The following FN1 variants were observed in gnomAD, a reference collection of about 807,000 sequenced individuals.
FN1 encodes the protein fibronectin.
FN1 carries 106 observed loss-of-function variants against 297.3 expected under a neutral mutation model. That is an observed-to-expected ratio of 0.36 (90% CI 0.30 to 0.42). FN1 has a LOEUF of 0.42. FN1 is among the 10% of genes least tolerant of loss of function. The pLI is 1.00. For synonymous variants in FN1, 1,149 were observed against 1,152.6 expected (o/e 1.00, Z 0.06); for missense variants, 2,690 against 3,124.9 (o/e 0.86, Z 3.32).
At chr2:215,400,903 C>T (rs2060931368) in intron 20 of FN1, among the ~76,000 whole-genome samples, 1 of 150,486 alleles carries the variant, frequency 6.6e-6, no homozygotes, top group South Asian at 2.1e-4. Flanking sequence ...TCAAGTGATT[C>T]TCCTGCCTCA....
intron 13 of FN1, among the ~76,000 whole-genome samples, chr2:215,413,406 A>C (rs1575679374): frequency 6.6e-6 from 1 of 152,118 alleles, no homozygotes. Context: ...GGTGTGAGCC[A>C]CTCTACCCAG....
intron 28 of FN1, 133 bp from the exon 29 acceptor site, chr2:215,385,109 G>T: frequency 1.4e-6 from 1 of 705,304 alleles, no homozygotes; most frequent in South Asian, 1.5e-5. Flanking sequence ...GTAATTAGCA[G>T]AATTTTATAT....
At position 215,419,108 on chromosome 2, in the gene FN1, T is replaced by C. The variant is rs1402027557; in HGVS notation, c.1819+134A>G. On this transcript the variant is annotated intron_variant, in intron 12 of 45. Transcript: ENST00000354785. ...TATTTTAATCAAAAATTCAATTGAT[T>C]ATTAGATAATAACAAGAGAAAAGGG... The C allele has an allele frequency of 2.4e-5, 17 of 708,920 alleles. 1 individual carries two copies. The highest frequency in any genetic ancestry group is 3.7e-5 in the Non-Finnish European group (15 of 403,016). 43.9% of individuals were successfully genotyped at this position (708,920 alleles called of 1,614,324 possible). A position where few individuals can be genotyped will look rare whatever the true frequency, so the allele number is the denominator to read the frequency against.
intron 32 of FN1, chr2:215,381,917 G>A (rs1215138536): frequency 5.2e-6 from 2 of 384,648 alleles, no homozygotes; most frequent in African/African-American, 2.1e-5. Context: ...AGACGGTCTA[G>A]GAAAATTTTT....
chr2:215,434,623 T>C (rs1310935558), intron 2 of FN1, 73 bp downstream of exon 2: 5 of 1,552,334 alleles, frequency 3.2e-6, no homozygotes, highest in East Asian at 2.2e-5. Flanking sequence ...TATTTTTACT[T>C]ACTAATGCAA....
At chr2:215,412,086 A>G (rs2062732599) in intron 13 of FN1, among the ~76,000 whole-genome samples, 1 of 152,204 alleles carries the variant, frequency 6.6e-6, no homozygotes, top group African/African-American at 2.4e-5. Context: ...GAGAGACTAG[A>G]AGATATTGGA....
chr2:215,404,727 G>A (rs1294317939), intron 19 of FN1, 72 bp from the exon 20 acceptor site: 2 of 1,375,152 alleles, frequency 1.5e-6, no homozygotes, highest in African/African-American at 1.4e-5. Context: ...CCTGAAACTT[G>A]ATTGAATGTC....
At position 215,376,499 on chromosome 2, in the gene FN1, T is replaced by C. The variant is rs1447624542; in HGVS notation, c.5886A>G (p.Thr1962=). The C allele has an allele frequency of 6.2e-7, 1 of 1,614,074 alleles. No individual in the cohort carries two copies. Among genetic ancestry groups the C allele is most frequent in the East Asian group, 2.2e-5 (1 of 44,880 alleles). The change falls in exon 36 of 46, where the codon ACA becomes ACG. Residue 1962 remains threonine (T), a splice_region_variant and synonymous_variant. Transcript: ENST00000354785. ...GGTTAGTGCAATGAGTTCCCTGACC[T>C]GTGATGGTGTAGCTTCTGACATCTG... ...IKPDVRSYTI[T]GLQPGTDYKI... is the part of the protein sequence containing the mutation.
rs1200768215 is a variant in FN1 at position 215,388,246 on chromosome 2, A to C, written c.4308T>G (p.His1436Gln). 1 of 1,614,076 alleles carries C rather than the reference A, an allele frequency of 6.2e-7. No homozygotes were observed. Among genetic ancestry groups the C allele is most frequent in the South Asian group, 1.1e-5 (1 of 91,088 alleles). The change falls in exon 27 of 46, where the codon CAT becomes CAG. Residue 1436 changes from histidine (H) to glutamine (Q), a missense_variant. Coordinates refer to ENST00000354785, the MANE Select transcript of FN1 (RefSeq NM_212482.4). ...VVSVSSVYEQ[H>Q]ESTPLRGRQK... Reference sequence around the variant, plus strand: ...GTCTTCCTCTAAGAGGTGTGCTCTCATGTTGTTCGTAGACACTGGAGACAC... The same window carrying C: ...GTCTTCCTCTAAGAGGTGTGCTCTCCTGTTGTTCGTAGACACTGGAGACAC...
rs1347416479 is a variant in FN1 at position 215,392,995 on chromosome 2, A to G, written c.4005T>C (p.Asp1335=). 6.2e-7 allele frequency: 1 copy of G among 1,613,844 alleles called. No individual in the cohort carries two copies. Among genetic ancestry groups the G allele is most frequent in the Admixed American group, 1.7e-5 (1 of 60,004 alleles). Residue 1335 remains aspartate (D), a synonymous_variant, in exon 25 of 46, where the codon GAT becomes GAC. Coordinates refer to ENST00000354785, the MANE Select transcript of FN1 (RefSeq NM_212482.4). The part of the protein sequence containing the change: ...VTGLEPGIDY[D]ISVITLINGG... ...CATTAATGAGAGTGATAACGCTGATATCATAGTCAATGCCCGGCTCCAGCC... is the reference window on the plus strand; with the variant it reads ...CATTAATGAGAGTGATAACGCTGATGTCATAGTCAATGCCCGGCTCCAGCC...
chr2:215,374,971 C>T (rs936536502), intron 38 of FN1, among the ~76,000 whole-genome samples: 4 of 152,112 alleles, frequency 2.6e-5, no homozygotes, highest in East Asian at 1.9e-4. Context: ...AAACTTGCAG[C>T]GAAAGGAAAA....
intron 4 of FN1, among the ~76,000 whole-genome samples, chr2:215,431,083 A>G (rs752645643): frequency 5.3e-5 from 8 of 152,116 alleles, no homozygotes; most frequent in Non-Finnish European, 1.2e-4. Flanking sequence ...TAATAAGTAC[A>G]TGGACTACAT....
rs7568287 is a variant in FN1, at chr2:215,367,833, C to A, written c.7018+30G>T. 67 of 1,611,808 alleles carry A rather than the reference C, an allele frequency of 4.2e-5. No individual in the cohort carries two copies. The Admixed American group carries it at 1.1e-3, about 27-fold the overall frequency. On this transcript the variant is annotated intron_variant, in intron 42 of 45. Transcript: ENST00000354785. ...TGCATGGAACTTGAGGAGACAAACACGGAAGTGGATGGACAAAGCAACTAC... is the reference window on the plus strand; with the variant it reads ...TGCATGGAACTTGAGGAGACAAACAAGGAAGTGGATGGACAAAGCAACTAC...
chr2:215,393,190 G>A lies in FN1; in HGVS notation c.3810C>T (p.Leu1270=). Residue 1270 remains leucine (L), a synonymous_variant, in exon 25 of 46, where the codon CTC becomes CTT. Coordinates refer to ENST00000354785, the MANE Select transcript of FN1 (RefSeq NM_212482.4). ...TTATATCAACAAAGCTTAGGTCAGTGAGTTGGGGCACCTCTATTGAGTTAC... is the reference window on the plus strand; with the variant it reads ...TTATATCAACAAAGCTTAGGTCAGTAAGTTGGGGCACCTCTATTGAGTTAC... ...SDTIIPEVPQ[L]TDLSFVDITD... The A allele has an allele frequency of 3.1e-6, 5 of 1,613,804 alleles. No individual in the cohort carries two copies. Among genetic ancestry groups the A allele is most frequent in the Non-Finnish European group, 4.2e-6 (5 of 1,179,892 alleles).
At chr2:215,409,841 A>C in intron 14 of FN1, 93 bp downstream of exon 14, 2 of 1,595,240 alleles carry the variant, frequency 1.3e-6, no homozygotes, top group Non-Finnish European at 1.7e-6. Flanking sequence ...CCCCTCCTGG[A>C]AGAATATGAA....
rs6729046 is a variant in FN1 at position 215,370,168 on chromosome 2, G to A, written c.6853+126C>T. The A allele has an allele frequency of 0.01, 9,270 of 913,418 alleles. 539 individuals are homozygous for A. The African/African-American group carries it at 0.13, about 13-fold the overall frequency. The allele number at this position is 913,418 out of a possible 1,614,324, so 56.6% of individuals were successfully genotyped here. A position where few individuals can be genotyped will look rare whatever the true frequency, so the allele number is the denominator to read the frequency against. ...ATATAAAGTTGCTCATTTATTTCAT[G>A]TTGATGTGTTGCATTAAATCCCAAA... On this transcript the variant is annotated intron_variant, in intron 41 of 45. Transcript: ENST00000354785.
In FN1 at chr2:215,383,011, T is replaced by G. The variant is rs566164771; in HGVS notation, c.5050+317A>C. Reference sequence around the variant, plus strand: ...GAGATGCAGATTACTCTTTTTTTTTTTTTTTCCCTGAGATGGAGTCTCTCA... The same window carrying G: ...GAGATGCAGATTACTCTTTTTTTTTGTTTTTCCCTGAGATGGAGTCTCTCA... On this transcript the variant is annotated intron_variant, in intron 31 of 45. Coordinates refer to ENST00000354785, the MANE Select transcript of FN1 (RefSeq NM_212482.4). Among the ~76,000 whole-genome samples, 17 of 151,908 alleles carry G rather than the reference T, an allele frequency of 1.1e-4. No individual in the cohort carries two copies. In the South Asian group the frequency reaches 1.9e-3, roughly 17 times the overall value.
At chr2:215,380,379 A>C (rs1400439123) in intron 33 of FN1, 1 of 195,918 alleles carries the variant, frequency 5.1e-6, no homozygotes, top group Non-Finnish European at 1.1e-5. Context: ...CCAGCATATG[A>C]TATCTAACCA....
intron 28 of FN1, 44 bp from the exon 29 acceptor site, chr2:215,385,020 A>T (rs1231452243): frequency 7.7e-7 from 1 of 1,293,204 alleles, no homozygotes; most frequent in East Asian, 2.3e-5. Flanking sequence ...ATTTTCAAAC[A>T]ATATTCAGAT....
Sources: allele counts gnomAD v4.1 joint callset (sites outside exome capture counted in the v4.1 genomes callset), GRCh38; gene constraint gnomAD v4.1.1; transcripts MANE v1.5; gene names NCBI Gene and HGNC (gene_info 2026-07-23, HGNC 2026-07-21).